Variants in KIAA1328 observed in about 807,000 individuals in gnomAD.
KIAA1328 encodes the protein protein hinderin.
KIAA1328 carries 52 observed loss-of-function variants against 68.1 expected under a neutral mutation model. The ratio of observed to expected loss-of-function variants is 0.76; its 90% confidence interval spans 0.61 to 0.96. KIAA1328 has a LOEUF of 0.96. KIAA1328 is among the 40% of genes least tolerant of loss of function. KIAA1328 has a pLI of 0.00. For missense variants in KIAA1328, 641 were observed against 677.6 expected (o/e 0.95, Z 0.60); for synonymous variants, 232 against 239.4 (o/e 0.97, Z 0.28).
chr18:36,943,984 A>C (rs886356080), intron 5 of KIAA1328, among the ~76,000 whole-genome samples: 5 of 152,232 alleles, frequency 3.3e-5, no homozygotes, highest in Admixed American at 3.3e-4. Flanking sequence ...TGCTGTAAAC[A>C]GTAGTAGGAC....
intron 6 of KIAA1328, among the ~76,000 whole-genome samples, chr18:36,975,760 T>TAATTGTTAAGGGAAG (rs1468081751): frequency 1.3e-5 from 2 of 152,228 alleles, no homozygotes; most frequent in Non-Finnish European, 2.9e-5. Context: ...TTTCTTCCCT[T>TAATTGTTAAGGGAAG]AATTGTTAAA....
chr18:37,038,164 T>C (rs1388220569), intron 6 of KIAA1328, among the ~76,000 whole-genome samples: 1 of 152,052 alleles, frequency 6.6e-6, no homozygotes, highest in Non-Finnish European at 1.5e-5. Flanking sequence ...AGCCCACAGG[T>C]AGCCTTTTTC....
chr18:37,179,206 T>TA (rs1022525667), intron 9 of KIAA1328, among the ~76,000 whole-genome samples: 1 of 152,204 alleles, frequency 6.6e-6, no homozygotes. Context: ...TTTCAGGACT[T>TA]ACATTTAAGC....
chr18:36,848,243 G>T (rs1390341924), intron 4 of KIAA1328, among the ~76,000 whole-genome samples: 1 of 151,282 alleles, frequency 6.6e-6, no homozygotes, highest in Non-Finnish European at 1.5e-5. Flanking sequence ...ATTTTTCTAG[G>T]CAGTGATATG....
chr18:37,036,562 A>G (rs1004613166), intron 6 of KIAA1328, among the ~76,000 whole-genome samples: 6 of 152,224 alleles, frequency 3.9e-5, no homozygotes, highest in African/African-American at 1.4e-4. Context: ...TGAGTTGATT[A>G]GTTCTTGTTG....
At chr18:37,186,181 C>G (rs745729021) in intron 9 of KIAA1328, among the ~76,000 whole-genome samples, 11 of 148,066 alleles carry the variant, frequency 7.4e-5, no homozygotes, top group Non-Finnish European at 1.6e-4. Context: ...ACTGAAACCT[C>G]CACCTCCCAG....
At chr18:37,034,697 A>G (rs1425350597) in intron 6 of KIAA1328, among the ~76,000 whole-genome samples, 1 of 152,220 alleles carries the variant, frequency 6.6e-6, no homozygotes, top group East Asian at 1.9e-4. Context: ...ATAAAGAAAT[A>G]TGAAATATAG....
intron 7 of KIAA1328, among the ~76,000 whole-genome samples, chr18:37,139,107 C>G (rs1195009387): frequency 1.3e-5 from 2 of 151,814 alleles, no homozygotes; most frequent in Admixed American, 1.3e-4. Context: ...CAGGTGCCCG[C>G]CACCATGCCT....
At chr18:37,055,964 A>G (rs970261395) in intron 6 of KIAA1328, among the ~76,000 whole-genome samples, 1 of 152,232 alleles carries the variant, frequency 6.6e-6, no homozygotes, top group African/African-American at 2.4e-5. Context: ...GGAAGTAATC[A>G]CATCCTAAAC....
chr18:37,031,728 T>C (rs1437033366), intron 6 of KIAA1328, among the ~76,000 whole-genome samples: 8 of 152,244 alleles, frequency 5.3e-5, no homozygotes, highest in Non-Finnish European at 8.8e-5. Flanking sequence ...TATTTTTCAC[T>C]GATTTTTCAG....
chr18:37,143,347 A>G (rs1186398377), intron 7 of KIAA1328, among the ~76,000 whole-genome samples: 1 of 152,110 alleles, frequency 6.6e-6, no homozygotes, highest in Admixed American at 6.6e-5. Flanking sequence ...TGATATAGAA[A>G]GACTATTGGT....
intron 5 of KIAA1328, among the ~76,000 whole-genome samples, chr18:36,946,067 G>A (rs1355044376): frequency 6.6e-6 from 1 of 152,086 alleles, no homozygotes; most frequent in Non-Finnish European, 1.5e-5. Context: ...TTCAGAGTTT[G>A]GAGTATTTCT....
chr18:36,851,940 G>A lies in KIAA1328; in HGVS notation c.332+7638G>A, dbSNP rs924702125. ...TTTATAGCTATAAATTTTCCTCTGA[G>A]CACTGCTTTTGCTGCATCCCACAGT... On this transcript the variant is annotated intron_variant, in intron 4 of 9. Coordinates refer to ENST00000280020, the MANE Select transcript of KIAA1328 (RefSeq NM_020776.3). Among the ~76,000 whole-genome samples, 3 of 151,884 alleles carry A rather than the reference G, an allele frequency of 2.0e-5. No homozygotes were observed. In the South Asian group the frequency reaches 6.2e-4, roughly 31 times the overall value.
intron 7 of KIAA1328, among the ~76,000 whole-genome samples, chr18:37,134,488 AG>A (rs1266348350): frequency 6.6e-6 from 1 of 152,212 alleles, no homozygotes; most frequent in Non-Finnish European, 1.5e-5. Flanking sequence ...AAAAAAACTT[AG>A]AAAAATATCA....
intron 7 of KIAA1328, among the ~76,000 whole-genome samples, chr18:37,085,672 G>A (rs1217376787): frequency 6.6e-6 from 1 of 152,078 alleles, no homozygotes; most frequent in Non-Finnish European, 1.5e-5. Flanking sequence ...CTGAATAACA[G>A]ACTTATGTAG....
intron 9 of KIAA1328, among the ~76,000 whole-genome samples, chr18:37,202,222 AC>A (rs1197629002): frequency 3.3e-5 from 5 of 152,212 alleles, no homozygotes; most frequent in African/African-American, 1.2e-4. Context: ...TTCCAAAAAA[AC>A]AAATATAAAA....
At chr18:36,986,419 C>T (rs917562301) in intron 6 of KIAA1328, among the ~76,000 whole-genome samples, 1 of 147,492 alleles carries the variant, frequency 6.8e-6, no homozygotes. Context: ...AGGACATAGG[C>T]GTGGGCAAGG....
At chr18:36,991,225 A>T (rs1312664502) in intron 6 of KIAA1328, among the ~76,000 whole-genome samples, 1 of 152,198 alleles carries the variant, frequency 6.6e-6, no homozygotes, top group Non-Finnish European at 1.5e-5. Flanking sequence ...TTTGTCACTT[A>T]ACCTATTTTG....
At chr18:37,046,015 A>C (rs1441529982) in intron 6 of KIAA1328, among the ~76,000 whole-genome samples, 1 of 152,136 alleles carries the variant, frequency 6.6e-6, no homozygotes, top group African/African-American at 2.4e-5. Flanking sequence ...TTGTGTTCAG[A>C]TTTTTCTCGA....
Sources: gnomAD v4.1 joint callset for allele counts (sites outside exome capture counted in the v4.1 genomes callset) on GRCh38, gnomAD v4.1.1 for gene constraint, MANE v1.5 for transcripts, NCBI Gene and HGNC (gene_info 2026-07-23, HGNC 2026-07-21) for gene names.